Variants in CDC42BPA observed in about 807,000 individuals in gnomAD.
CDC42BPA encodes the protein serine/threonine-protein kinase MRCK alpha.
A neutral mutation model predicts 223.5 loss-of-function variants in CDC42BPA; 80 were observed. The ratio of observed to expected loss-of-function variants is 0.36; its 90% CI spans 0.30 to 0.43. The LOEUF is 0.43. Ranked by LOEUF, CDC42BPA falls within the 20% of genes least tolerant of loss-of-function variation. CDC42BPA has a pLI of 1.00. For missense variants in CDC42BPA, 1,743 were observed against 2,099.9 expected (o/e 0.83, Z 3.32); for synonymous variants, 694 against 718.6 (o/e 0.97, Z 0.55).
At chr1:227,018,747 A>AT (rs1335836091) in intron 32 of CDC42BPA, among the ~76,000 whole-genome samples, 2 of 152,198 alleles carry the variant, frequency 1.3e-5, no homozygotes, top group Non-Finnish European at 2.9e-5. Flanking sequence ...AAGTCACACT[A>AT]TTTTTTTGGT....
chr1:227,078,741 T>C (rs73093463), intron 17 of CDC42BPA, among the ~76,000 whole-genome samples: 23,482 of 152,120 alleles, frequency 0.15, 2,197 homozygotes, highest in African/African-American at 0.25. Flanking sequence ...AACTGTTCAT[T>C]TGTCCCAGGA....
chr1:227,223,683 T>TCTA (rs368660166), intron 2 of CDC42BPA, among the ~76,000 whole-genome samples: 16 of 152,346 alleles, frequency 1.1e-4, no homozygotes, highest in African/African-American at 3.8e-4. Flanking sequence ...CTATTACCTT[T>TCTA]CTAGAAGAGT....
At chr1:227,179,659 A>AAAAAAAAAAAAC (rs1216438998) in intron 5 of CDC42BPA, among the ~76,000 whole-genome samples, 2 of 146,890 alleles carry the variant, frequency 1.4e-5, no homozygotes, top group South Asian at 2.1e-4. Context: ...AAAAAAAAAA[A>AAAAAAAAAAAAC]AGCTATTTTA....
intron 2 of CDC42BPA, among the ~76,000 whole-genome samples, chr1:227,252,512 G>A (rs1258307150): frequency 6.6e-6 from 1 of 152,052 alleles, no homozygotes; most frequent in Non-Finnish European, 1.5e-5. Context: ...AATACTAAAG[G>A]AGGGAACATT....
Position 227,317,662 on chromosome 1 carries a change from A to C in CDC42BPA, c.-480T>G, listed in dbSNP as rs1694618269. On this transcript the variant is annotated 5_prime_UTR_variant, in exon 1 of 37. Transcript: ENST00000366766. ...AAGAAGAAAAACAGAAAAGGGAGGA[A>C]AAAAACAGAATGCATAGAAGGGGGA... The C allele has an allele frequency of 2.5e-6, 1 of 398,502 alleles. No individual in the cohort carries two copies. The allele number at this position is 398,502 out of a possible 1,614,324, so 24.7% of individuals were successfully genotyped here.
At chr1:227,011,481 G>A (rs1416005392) in intron 34 of CDC42BPA, among the ~76,000 whole-genome samples, 1 of 152,128 alleles carries the variant, frequency 6.6e-6, no homozygotes, top group Non-Finnish European at 1.5e-5. Flanking sequence ...GACGTGTTAT[G>A]AAACTGTTTC....
intron 5 of CDC42BPA, among the ~76,000 whole-genome samples, chr1:227,170,133 A>G (rs1305518926): frequency 6.6e-6 from 1 of 152,142 alleles, no homozygotes; most frequent in Non-Finnish European, 1.5e-5. Flanking sequence ...GTATGATAGA[A>G]CTTAGGCTGG....
chr1:227,129,482 A>G (rs1197856950), intron 10 of CDC42BPA, among the ~76,000 whole-genome samples: 1 of 151,750 alleles, frequency 6.6e-6, no homozygotes, highest in South Asian at 2.1e-4. Context: ...AGACTGGGCA[A>G]CAGAATGACA....
At chr1:227,110,912 T>G (rs1686803750) in intron 14 of CDC42BPA, among the ~76,000 whole-genome samples, 2 of 152,232 alleles carry the variant, frequency 1.3e-5, no homozygotes, top group Admixed American at 1.3e-4. Flanking sequence ...CAAAGTAAGC[T>G]CTGACCAATT....
chr1:227,273,536 A>C (rs1029826360), intron 1 of CDC42BPA, among the ~76,000 whole-genome samples: 3 of 77,700 alleles, frequency 3.9e-5, no homozygotes, highest in Non-Finnish European at 8.2e-5. Flanking sequence ...ACTCTGTCTC[A>C]AAAAAAAAAA....
chr1:226,999,787 A>G (rs954020821), intron 35 of CDC42BPA, among the ~76,000 whole-genome samples: 4 of 152,130 alleles, frequency 2.6e-5, no homozygotes, highest in African/African-American at 9.7e-5. Context: ...GGATGAGTTC[A>G]TGTCCTTTAC....
intron 24 of CDC42BPA, among the ~76,000 whole-genome samples, chr1:227,039,760 A>G (rs370351807): frequency 1.4e-4 from 21 of 152,294 alleles, no homozygotes; most frequent in Middle Eastern, 3.4e-3. Flanking sequence ...TATCTTTCAG[A>G]CATAGTGGCA....
At chr1:227,006,949 T>TCAACAACAACAACAACAA (rs58305329) in intron 34 of CDC42BPA, among the ~76,000 whole-genome samples, 2 of 148,024 alleles carry the variant, frequency 1.4e-5, no homozygotes, top group Admixed American at 6.7e-5. Flanking sequence ...AGACTCCGTC[T>TCAACAACAACAACAACAA]CAACAACAAC....
At chr1:227,268,631 G>A (rs1208092968) in intron 1 of CDC42BPA, among the ~76,000 whole-genome samples, 1 of 125,214 alleles carries the variant, frequency 8.0e-6, no homozygotes. Flanking sequence ...TATATAGTAT[G>A]TGTATATATA....
rs573740523 is a variant in CDC42BPA, at chr1:227,271,409, C to T, written c.179-17254G>A. ...GGCAAAAATATTAATCCACTTGGCA[C>T]ATCATTCCTATCATGCTATCAGAAC... On this transcript the variant is annotated intron_variant, in intron 1 of 36. Coordinates refer to ENST00000366766, the MANE Select transcript of CDC42BPA (RefSeq NM_001394014.1). Among the ~76,000 whole-genome samples the T allele has an allele frequency of 1.4e-3, 207 of 152,172 alleles. 1 individual carries two copies. Among genetic ancestry groups the T allele is most frequent in the African/African-American group, 4.6e-3 (193 of 41,532 alleles).
At chr1:227,090,037 G>T (rs1390670622) in intron 16 of CDC42BPA, among the ~76,000 whole-genome samples, 2 of 152,048 alleles carry the variant, frequency 1.3e-5, no homozygotes, top group Non-Finnish European at 2.9e-5. Flanking sequence ...CTTGGATAAA[G>T]TTCAAATATT....
At chr1:227,050,498 A>AT (rs1398202960) in intron 22 of CDC42BPA, among the ~76,000 whole-genome samples, 1 of 152,208 alleles carries the variant, frequency 6.6e-6, no homozygotes, top group African/African-American at 2.4e-5. Flanking sequence ...GCAAAAACAG[A>AT]TATTAGGATA....
intron 2 of CDC42BPA, among the ~76,000 whole-genome samples, chr1:227,232,619 G>A (rs943089045): frequency 6.6e-6 from 1 of 152,166 alleles, no homozygotes; most frequent in East Asian, 1.9e-4. Flanking sequence ...CTGTTTGTTA[G>A]TCTTCCTTCT....
chr1:227,119,964 TA>T (rs779823479), intron 11 of CDC42BPA, 27 bp from the exon 12 acceptor site: 2 of 1,546,032 alleles, frequency 1.3e-6, no homozygotes, highest in Non-Finnish European at 1.7e-6. Context: ...ATGTTTCTTT[TA>T]CTATTTGTAT....
Sources: allele counts gnomAD v4.1 joint callset (sites outside exome capture counted in the v4.1 genomes callset), GRCh38; gene constraint gnomAD v4.1.1; transcripts MANE v1.5; gene names NCBI Gene and HGNC (gene_info 2026-07-23, HGNC 2026-07-21).